The following PPP1R9A variants were observed in gnomAD, a reference collection of about 807,000 sequenced individuals.
PPP1R9A encodes neurabin-1.
PPP1R9A carries 59 observed loss-of-function variants against 141.9 expected under a neutral mutation model. The ratio of observed to expected loss-of-function variants is 0.42; its 90% CI spans 0.34 to 0.52. The LOEUF (loss-of-function observed/expected upper bound fraction) is 0.52, where lower values mean the gene tolerates loss of function less well. Among genes scored for constraint, PPP1R9A ranks in the 20% least tolerant of loss-of-function variants. The probability of loss-of-function intolerance (pLI) is 0.10; values close to 1 mark genes in which losing one functional copy is unlikely to be tolerated. For synonymous variants in PPP1R9A, 500 were observed against 569.7 expected, an observed-to-expected ratio of 0.88 and a Z score of 1.74; for missense variants, 1,444 against 1,611.9, an observed-to-expected ratio of 0.90 and a Z score of 1.78.
chr7:95,147,690 G>A (rs1236392072), intron 4 of PPP1R9A, among the ~76,000 whole-genome samples: 1 of 152,134 alleles, frequency 6.6e-6, no homozygotes, highest in Non-Finnish European at 1.5e-5. Flanking sequence ...AGTTTATTGA[G>A]TGTTTTTATC....
intron 2 of PPP1R9A, among the ~76,000 whole-genome samples, chr7:95,029,054 G>C (rs1807289518): frequency 6.6e-6 from 1 of 152,142 alleles, no homozygotes; most frequent in Non-Finnish European, 1.5e-5. Context: ...TCTGTTTGAA[G>C]AGCTTCATTT....
chr7:95,213,208 A>G (rs1044838379), intron 7 of PPP1R9A, among the ~76,000 whole-genome samples: 13 of 151,666 alleles, frequency 8.6e-5, no homozygotes, highest in African/African-American at 3.2e-4. Context: ...GGGAGACAGT[A>G]TGTCCCTTTA....
chr7:95,127,221 T>C (rs956710821), intron 4 of PPP1R9A, among the ~76,000 whole-genome samples: 1 of 152,180 alleles, frequency 6.6e-6, no homozygotes, highest in African/African-American at 2.4e-5. Flanking sequence ...TTTTCTTTAA[T>C]GAATGTATCA....
intron 7 of PPP1R9A, among the ~76,000 whole-genome samples, chr7:95,219,614 T>C (rs1462779704): frequency 6.6e-6 from 1 of 152,026 alleles, no homozygotes; most frequent in East Asian, 1.9e-4. Flanking sequence ...AATCAGGAAA[T>C]ATTCTGATAA....
intron 7 of PPP1R9A, among the ~76,000 whole-genome samples, chr7:95,204,701 C>T (rs1315536337): frequency 2.8e-5 from 4 of 142,048 alleles, no homozygotes; most frequent in Non-Finnish European, 4.6e-5. Flanking sequence ...TACCCACACA[C>T]ACCACACACA....
At chr7:95,176,943 T>C (rs569209145) in intron 5 of PPP1R9A, among the ~76,000 whole-genome samples, 1 of 152,264 alleles carries the variant, frequency 6.6e-6, no homozygotes. Context: ...GACAACATAT[T>C]TGGGGAAATA....
chr7:95,009,404 T>C (rs925058417), intron 2 of PPP1R9A, among the ~76,000 whole-genome samples: 35 of 152,220 alleles, frequency 2.3e-4, no homozygotes, highest in African/African-American at 7.0e-4. Context: ...CCAGGTGTGC[T>C]GGGATTCTTA....
intron 5 of PPP1R9A, among the ~76,000 whole-genome samples, chr7:95,174,461 T>G (rs2152762425): frequency 1.3e-5 from 2 of 152,272 alleles, no homozygotes; most frequent in Middle Eastern, 3.4e-3. Flanking sequence ...ATGTATACAT[T>G]TATCGAAACT....
At position 94,910,192 on chromosome 7, in the gene PPP1R9A, T is replaced by A; in HGVS notation, c.79T>A (p.Phe27Ile). The A allele has an allele frequency of 1.2e-6, 2 of 1,613,966 alleles. No homozygotes were observed. Among genetic ancestry groups the A allele is most frequent in the Non-Finnish European group, 1.7e-6 (2 of 1,179,974 alleles). Residue 27 changes from phenylalanine to isoleucine, a missense_variant, in exon 2 of 20, where the codon TTT becomes ATT. This residue lies in a region of PPP1R9A where 490 missense variants were observed against 521.1 expected (regional missense o/e 0.94). Coordinates refer to ENST00000433360, the MANE Select transcript of PPP1R9A (RefSeq NM_001166160.2). This position sits in a 1 kb window ranked among gnomAD's most constrained non-coding sequence, Gnocchi z 4.5. ...TCACAGGAATGCATATCGAACTGAG[T>A]TTCAGGCACTGAAAAGTACCTTTGA... is the stretch of plus-strand genomic sequence containing the variant. ...SPHRNAYRTE[F>I]QALKSTFDKP...
chr7:95,060,362 A>G (rs73427053), intron 2 of PPP1R9A, among the ~76,000 whole-genome samples: 3,670 of 152,254 alleles, frequency 0.024, 162 homozygotes, highest in African/African-American at 0.084. Flanking sequence ...GGGGATTTGT[A>G]TAAATCAACT....
At chr7:95,154,682 T>C (rs1829296916) in intron 4 of PPP1R9A, 1 of 151,966 alleles carries the variant, frequency 6.6e-6, no homozygotes, top group Non-Finnish European at 1.5e-5. Context: ...GGAAAATACT[T>C]CATACAGAAT....
intron 2 of PPP1R9A, among the ~76,000 whole-genome samples, chr7:94,947,419 A>G (rs967233615): frequency 1.3e-5 from 2 of 152,140 alleles, no homozygotes; most frequent in Non-Finnish European, 2.9e-5. Flanking sequence ...TCCTGAGCCT[A>G]AGTCCTAGCT....
chr7:95,141,988 G>A (rs944160861), intron 4 of PPP1R9A, among the ~76,000 whole-genome samples: 6 of 151,998 alleles, frequency 3.9e-5, no homozygotes, highest in African/African-American at 1.4e-4. Flanking sequence ...ACCTATTCAC[G>A]AGCAATGTAT....
At chr7:95,186,227 T>C (rs1834627648) in intron 5 of PPP1R9A, among the ~76,000 whole-genome samples, 1 of 151,794 alleles carries the variant, frequency 6.6e-6, no homozygotes, top group Non-Finnish European at 1.5e-5. Flanking sequence ...GTTTTCCTTG[T>C]AGAGATCTTT....
chr7:95,138,920 A>G (rs571447524), intron 4 of PPP1R9A, among the ~76,000 whole-genome samples: 2 of 152,332 alleles, frequency 1.3e-5, no homozygotes, highest in Admixed American at 1.3e-4. Flanking sequence ...TTTCACTGCC[A>G]CTTAGGAAAA....
intron 2 of PPP1R9A, among the ~76,000 whole-genome samples, chr7:95,101,093 C>T (rs1362965164): frequency 4.0e-5 from 6 of 151,874 alleles, no homozygotes; most frequent in Non-Finnish European, 8.8e-5. Context: ...ACCTCGTGAT[C>T]CGCCCGCCTC....
At chr7:94,955,321 A>G (rs1015283649) in intron 2 of PPP1R9A, among the ~76,000 whole-genome samples, 2 of 152,156 alleles carry the variant, frequency 1.3e-5, no homozygotes, top group African/African-American at 4.8e-5. Context: ...TTCTTAAAAT[A>G]TCTATCAAAG....
chr7:95,045,424 G>A (rs1446630745), intron 2 of PPP1R9A, among the ~76,000 whole-genome samples: 5 of 152,202 alleles, frequency 3.3e-5, no homozygotes, highest in African/African-American at 9.7e-5. Context: ...GCCCGCATGC[G>A]CAGTGGCCTG....
intron 2 of PPP1R9A, among the ~76,000 whole-genome samples, chr7:95,066,366 G>C (rs940451507): frequency 6.6e-6 from 1 of 152,128 alleles, no homozygotes; most frequent in African/African-American, 2.4e-5. Flanking sequence ...GTGGTATTTT[G>C]TTATGGCAGC....
Sources: allele counts gnomAD v4.1 joint callset (sites outside exome capture counted in the v4.1 genomes callset), GRCh38; gene constraint gnomAD v4.1.1; regional missense constraint gnomAD v4.1.1; non-coding constraint Gnocchi (gnomAD v3.1); transcripts MANE v1.5; gene names NCBI Gene and HGNC (gene_info 2026-07-23, HGNC 2026-07-21).